FHIT: variants seen among roughly 807,000 people sequenced by gnomAD.
FHIT encodes bis(5'-adenosyl)-triphosphatase.
Under a neutral mutation model 17.9 loss-of-function variants are expected in FHIT, and 19 were observed. The observed-to-expected ratio is 1.06, with a 90% confidence interval of 0.74 to 1.56. The LOEUF (loss-of-function observed/expected upper bound fraction) is 1.56, where lower values mean the gene tolerates loss of function less well. Ranked by LOEUF, FHIT falls within the 40% of genes most tolerant of loss-of-function variation. The pLI is 0.00. For synonymous variants in FHIT, 81 were observed against 69.7 expected (o/e 1.16, Z -0.81); for missense variants, 248 against 189.2 (o/e 1.31, Z -1.82).
At chr3:60,649,474 G>C (rs782520209) in intron 4 of FHIT, among the ~76,000 whole-genome samples, 1 of 152,152 alleles carries the variant, frequency 6.6e-6, no homozygotes, top group Non-Finnish European at 1.5e-5. Flanking sequence ...ACACAAACTA[G>C]AAGTCATTCA....
intron 3 of FHIT, among the ~76,000 whole-genome samples, chr3:60,851,415 C>G (rs1464415408): frequency 6.6e-6 from 1 of 152,122 alleles, no homozygotes; most frequent in African/African-American, 2.4e-5. Flanking sequence ...TCACTCAGCA[C>G]TAAGATGCTC....
In FHIT at chr3:60,222,210, T is replaced by TCATG. The variant is rs1559739559; in HGVS notation, c.104-208062_104-208059dup. On this transcript the variant is annotated intron_variant, in intron 5 of 9. Transcript: ENST00000492590. ...AAATCATTCTCTCTTATTTATTTAT[T>TCATG]CATGCATTCATTCATTCATTCATTC... Among the ~76,000 whole-genome samples the TCATG allele has an allele frequency of 4.6e-5, 7 of 151,296 alleles. 1 individual carries two copies. The highest frequency in any genetic ancestry group is 4.6e-4 in the Admixed American group (7 of 15,186).
At chr3:60,711,422 A>G (rs1261732821) in intron 4 of FHIT, among the ~76,000 whole-genome samples, 4 of 152,230 alleles carry the variant, frequency 2.6e-5, no homozygotes, top group African/African-American at 9.6e-5. Flanking sequence ...AAAGCTGGAC[A>G]GAGAATGACT....
In FHIT at chr3:61,211,386, G is replaced by A. The variant is rs574680558; in HGVS notation, c.-212-10721C>T. Among the ~76,000 whole-genome samples, 32 of 152,310 alleles carry A rather than the reference G, an allele frequency of 2.1e-4. No individual in the cohort carries two copies. In the South Asian group the frequency reaches 6.0e-3, roughly 29 times the overall value. On this transcript the variant is annotated intron_variant, in intron 1 of 9. Transcript: ENST00000492590. ...CTGGCTCGAAGGGTCCTATGCCCAC[G>A]GAGTCTCGCTGATTGCTAGCACAGC...
chr3:59,920,115 G>C (rs1705330749), intron 8 of FHIT, among the ~76,000 whole-genome samples: 1 of 152,136 alleles, frequency 6.6e-6, no homozygotes, highest in African/African-American at 2.4e-5. Context: ...GCTACTTAAA[G>C]AAAAATAGTA....
chr3:59,783,007 G>A (rs1437296239), intron 8 of FHIT, among the ~76,000 whole-genome samples: 1 of 152,008 alleles, frequency 6.6e-6, no homozygotes, highest in African/African-American at 2.4e-5. Context: ...CAAAGTCTCT[G>A]CTATTTAGCA....
intron 5 of FHIT, among the ~76,000 whole-genome samples, chr3:60,149,322 T>C (rs1294642437): frequency 4.1e-5 from 6 of 148,118 alleles, no homozygotes; most frequent in African/African-American, 1.5e-4. Flanking sequence ...AGAATAGTGT[T>C]GGATATACTC....
intron 5 of FHIT, among the ~76,000 whole-genome samples, chr3:60,262,034 T>C (rs1344345184): frequency 1.3e-5 from 2 of 152,004 alleles, no homozygotes; most frequent in Admixed American, 6.6e-5. Context: ...ACATGTACAT[T>C]TCCCTATGTC....
chr3:60,086,844 A>AG (rs1165526457), intron 5 of FHIT, among the ~76,000 whole-genome samples: 1 of 152,116 alleles, frequency 6.6e-6, no homozygotes, highest in Non-Finnish European at 1.5e-5. Context: ...TTCCAGGTTG[A>AG]GGTTACACAC....
intron 5 of FHIT, among the ~76,000 whole-genome samples, chr3:60,527,815 T>C (rs776612080): frequency 8.5e-5 from 13 of 152,190 alleles, no homozygotes; most frequent in African/African-American, 1.2e-4. Flanking sequence ...CCACCGTACA[T>C]AGAAGTTTGC....
At chr3:59,814,075 C>CACACACACACACACACACACACACACA in intron 8 of FHIT, among the ~76,000 whole-genome samples, 1 of 151,568 alleles carries the variant, frequency 6.6e-6, no homozygotes, top group African/African-American at 2.4e-5. Context: ...CACACACACA[C>CACACACACACACACACACACACACACA]CCGACGGTGA....
intron 5 of FHIT, among the ~76,000 whole-genome samples, chr3:60,438,479 T>G (rs2107319876): frequency 6.6e-6 from 1 of 152,246 alleles, no homozygotes; most frequent in Middle Eastern, 3.4e-3. Context: ...GAATTCTCTG[T>G]CTCTCAGGGT....
intron 7 of FHIT, among the ~76,000 whole-genome samples, chr3:60,005,454 G>A (rs538925709): frequency 5.9e-5 from 9 of 152,114 alleles, no homozygotes; most frequent in South Asian, 4.2e-4. Flanking sequence ...CACCAGGAGC[G>A]GGAGAGGGAG....
chr3:61,043,305 A>G (rs1472942832), intron 2 of FHIT, among the ~76,000 whole-genome samples: 2 of 152,160 alleles, frequency 1.3e-5, no homozygotes, highest in African/African-American at 2.4e-5. Flanking sequence ...AGGAGATTAT[A>G]TCCCGCGCCT....
chr3:61,078,668 G>A (rs1450956398), intron 2 of FHIT, among the ~76,000 whole-genome samples: 1 of 152,114 alleles, frequency 6.6e-6, no homozygotes, highest in Non-Finnish European at 1.5e-5. Context: ...AATATTATCA[G>A]CAAATAGTTC....
At chr3:60,228,922 A>G (rs1415999783) in intron 5 of FHIT, among the ~76,000 whole-genome samples, 1 of 152,190 alleles carries the variant, frequency 6.6e-6, no homozygotes, top group Non-Finnish European at 1.5e-5. Context: ...TTTAGAGATG[A>G]AGAAACATCA....
chr3:60,929,661 T>G (rs1183901465), intron 3 of FHIT, among the ~76,000 whole-genome samples: 2 of 152,182 alleles, frequency 1.3e-5, no homozygotes, highest in African/African-American at 4.8e-5. Context: ...ACAAGGGATG[T>G]GAAGGACCTC....
At chr3:60,204,901 T>C (rs1316027330) in intron 5 of FHIT, among the ~76,000 whole-genome samples, 2 of 151,884 alleles carry the variant, frequency 1.3e-5, no homozygotes, top group African/African-American at 4.8e-5. Flanking sequence ...CCATTAAAAG[T>C]AGGTTATTAG....
intron 5 of FHIT, among the ~76,000 whole-genome samples, chr3:60,110,299 T>C (rs747663823): frequency 2.6e-5 from 4 of 152,178 alleles, no homozygotes; most frequent in Non-Finnish European, 5.9e-5. Flanking sequence ...GGGCTCAGAA[T>C]AAGTCACAAT....
Sources: gnomAD v4.1 joint callset for allele counts (sites outside exome capture counted in the v4.1 genomes callset) on GRCh38, gnomAD v4.1.1 for gene constraint, MANE v1.5 for transcripts, NCBI Gene and HGNC (gene_info 2026-07-23, HGNC 2026-07-21) for gene names.